Variants in FGF14 observed in about 807,000 individuals in gnomAD.
The protein encoded by FGF14 is fibroblast growth factor 14.
A neutral mutation model predicts 25.5 loss-of-function variants in FGF14; 5 were observed. The observed-to-expected ratio is 0.20, with a 90% CI of 0.10 to 0.41. The LOEUF (loss-of-function observed/expected upper bound fraction) is 0.41. Among genes scored for constraint, FGF14 ranks in the 10% least tolerant of loss-of-function variants. FGF14 has a pLI of 1.00. For missense variants in FGF14, 222 were observed against 320.1 expected (o/e 0.69, Z 2.34); for synonymous variants, 138 against 118.3 (o/e 1.17, Z -1.08).
At chr13:102,354,112 C>T (rs1057025881) in intron 1 of FGF14, 1 of 152,250 alleles carries the variant, frequency 6.6e-6, no homozygotes. Flanking sequence ...CTACATACCT[C>T]CCTCACAATT....
intron 1 of FGF14, among the ~76,000 whole-genome samples, chr13:102,029,488 T>A (rs2041102176): frequency 1.3e-5 from 2 of 152,010 alleles, no homozygotes; most frequent in Admixed American, 6.6e-5. Flanking sequence ...CTTGAGCCAG[T>A]ATAGCATCAT....
intron 1 of FGF14, among the ~76,000 whole-genome samples, chr13:101,893,841 C>A (rs950978161): frequency 1.3e-5 from 2 of 152,124 alleles, no homozygotes; most frequent in East Asian, 3.9e-4. Flanking sequence ...TTCTTTCAAG[C>A]CATTAAGTTT....
At chr13:102,395,344 A>G (rs1239496139) in intron 1 of FGF14, 1 of 152,230 alleles carries the variant, frequency 6.6e-6, no homozygotes, top group East Asian at 1.9e-4. Flanking sequence ...TTGCTATTCT[A>G]AGGCCGAGAA....
chr13:102,301,826 T>TCACACACACACACACACACACA (rs3066038), intron 1 of FGF14, among the ~76,000 whole-genome samples: 3 of 139,978 alleles, frequency 2.1e-5, no homozygotes, highest in Non-Finnish European at 3.1e-5. Flanking sequence ...TTCCTGTACT[T>TCACACACACACACACACACACA]CACACACACA....
At chr13:102,330,642 A>G (rs189222036) in intron 1 of FGF14, among the ~76,000 whole-genome samples, 2 of 152,234 alleles carry the variant, frequency 1.3e-5, no homozygotes, top group Admixed American at 6.5e-5. Flanking sequence ...TCCCATTTCA[A>G]GTATACCTCT....
At chr13:102,190,527 A>G (rs754523370) in intron 1 of FGF14, among the ~76,000 whole-genome samples, 4 of 152,208 alleles carry the variant, frequency 2.6e-5, no homozygotes, top group Non-Finnish European at 5.9e-5. Context: ...AAATTTCAAT[A>G]GTGTTCAGAG....
chr13:102,399,492 C>T (rs558241285), intron 1 of FGF14, among the ~76,000 whole-genome samples: 3 of 152,350 alleles, frequency 2.0e-5, no homozygotes, highest in East Asian at 3.9e-4. Flanking sequence ...GCCTTTCTCA[C>T]TTTGAGAAGT....
At chr13:101,738,158 A>G (rs940649808) in intron 3 of FGF14, among the ~76,000 whole-genome samples, 6 of 152,160 alleles carry the variant, frequency 3.9e-5, no homozygotes, top group Non-Finnish European at 8.8e-5. Flanking sequence ...CATGTCATAG[A>G]TGATGATTTT....
At chr13:101,773,349 A>C (rs1258316396) in intron 3 of FGF14, among the ~76,000 whole-genome samples, 1 of 152,106 alleles carries the variant, frequency 6.6e-6, no homozygotes, top group African/African-American at 2.4e-5. Flanking sequence ...GCTAATAGGA[A>C]ATCTAATCTG....
chr13:101,912,346 A>G (rs1345244112), intron 1 of FGF14, among the ~76,000 whole-genome samples: 1 of 152,178 alleles, frequency 6.6e-6, no homozygotes, highest in Non-Finnish European at 1.5e-5. Context: ...CACAGCCCCA[A>G]AAAAGTAAAT....
At chr13:102,315,527 G>T (rs761875728) in intron 1 of FGF14, among the ~76,000 whole-genome samples, 10 of 152,154 alleles carry the variant, frequency 6.6e-5, no homozygotes, top group Admixed American at 1.3e-4. Context: ...CCTTGTATTT[G>T]GCACAGTTTG....
intron 1 of FGF14, among the ~76,000 whole-genome samples, chr13:102,025,159 T>A (rs1386955759): frequency 6.6e-6 from 1 of 151,870 alleles, no homozygotes; most frequent in African/African-American, 2.4e-5. Context: ...CAAGACTGTT[T>A]CGGCTATAAG....
intron 1 of FGF14, among the ~76,000 whole-genome samples, chr13:102,000,245 G>T (rs894526081): frequency 6.6e-6 from 1 of 152,164 alleles, no homozygotes; most frequent in Admixed American, 6.5e-5. Flanking sequence ...CTTGAACCTG[G>T]GAGGCGGAGC....
intron 3 of FGF14, among the ~76,000 whole-genome samples, chr13:101,736,830 C>G (rs1376300362): frequency 6.6e-6 from 1 of 151,638 alleles, no homozygotes; most frequent in East Asian, 2.0e-4. Context: ...GGTTCTAATG[C>G]CAACCTGAGT....
At chr13:101,791,843 T>G (rs2040252767) in intron 3 of FGF14, among the ~76,000 whole-genome samples, 1 of 152,160 alleles carries the variant, frequency 6.6e-6, no homozygotes, top group South Asian at 2.1e-4. Context: ...ACCCATTCAT[T>G]TGGAGAACCC....
At chr13:101,763,313 T>G (rs1428173632) in intron 3 of FGF14, among the ~76,000 whole-genome samples, 1 of 152,208 alleles carries the variant, frequency 6.6e-6, no homozygotes, top group Non-Finnish European at 1.5e-5. Flanking sequence ...GTAGCACTGA[T>G]TGGCATAAGA....
chr13:102,059,864 C>CA (rs1360310381), intron 1 of FGF14, among the ~76,000 whole-genome samples: 41 of 139,714 alleles, frequency 2.9e-4, no homozygotes, highest in African/African-American at 1.1e-3. Flanking sequence ...AAAACAAAAA[C>CA]AAAAACAAAA....
chr13:102,100,174 A>T (rs2044590976), intron 1 of FGF14, among the ~76,000 whole-genome samples: 1 of 152,210 alleles, frequency 6.6e-6, no homozygotes, highest in Admixed American at 6.5e-5. Context: ...AAAATGACAA[A>T]TGCCTTGAAA....
chr13:102,155,400 C>T (rs886654626), intron 1 of FGF14, among the ~76,000 whole-genome samples: 5 of 152,204 alleles, frequency 3.3e-5, no homozygotes, highest in Admixed American at 6.5e-5. Context: ...GAACAACCTG[C>T]TCTGAATGAC....
Sources: allele counts gnomAD v4.1 joint callset (sites outside exome capture counted in the v4.1 genomes callset), GRCh38; gene constraint gnomAD v4.1.1; transcripts MANE v1.5; gene names NCBI Gene and HGNC (gene_info 2026-07-23, HGNC 2026-07-21).